The following MDFIC variants were observed in gnomAD, a reference collection of about 807,000 sequenced individuals.
The protein encoded by MDFIC is MyoD family inhibitor domain containing, also known as myoD family inhibitor domain-containing protein.
Under a neutral mutation model 23.2 loss-of-function variants are expected in MDFIC, and 17 were observed. The observed-to-expected ratio is 0.73, with a 90% CI of 0.50 to 1.10. The LOEUF is 1.10. Among genes scored for constraint, MDFIC ranks in the 50% least tolerant of loss-of-function variants. The pLI is 0.00. For synonymous variants in MDFIC, 120 were observed against 115.2 expected (o/e 1.04, Z -0.27); for missense variants, 356 against 316.6 (o/e 1.12, Z -0.95).
At chr7:114,931,926 T>C (rs1792315418) in intron 2 of MDFIC, among the ~76,000 whole-genome samples, 1 of 152,182 alleles carries the variant, frequency 6.6e-6, no homozygotes, top group African/African-American at 2.4e-5. Context: ...TCTCTTTACT[T>C]TTGCCACTCC....
intron 4 of MDFIC, among the ~76,000 whole-genome samples, chr7:114,995,380 T>C (rs939888991): frequency 6.6e-6 from 1 of 152,248 alleles, no homozygotes. Flanking sequence ...CTTTGTTCCA[T>C]TGCTGGCGAG....
chr7:114,924,163 C>T (rs760060135), intron 2 of MDFIC, among the ~76,000 whole-genome samples: 12 of 152,166 alleles, frequency 7.9e-5, no homozygotes, highest in Non-Finnish European at 1.6e-4. Context: ...ATGAGTGACT[C>T]AGCTTTCTAA....
At chr7:114,938,378 A>G (rs565194693) in intron 2 of MDFIC, among the ~76,000 whole-genome samples, 2 of 152,372 alleles carry the variant, frequency 1.3e-5, no homozygotes, top group African/African-American at 4.8e-5. Flanking sequence ...GGGGATGAGT[A>G]GCAAAGTCTG....
At chr7:114,950,843 A>G (rs186829970) in intron 3 of MDFIC, among the ~76,000 whole-genome samples, 2 of 152,288 alleles carry the variant, frequency 1.3e-5, no homozygotes, top group East Asian at 3.9e-4. Flanking sequence ...GTTTTTATCA[A>G]TGTTTCTGGA....
At chr7:114,998,113 C>A (rs1206642039) in intron 4 of MDFIC, among the ~76,000 whole-genome samples, 1 of 152,170 alleles carries the variant, frequency 6.6e-6, no homozygotes, top group Non-Finnish European at 1.5e-5. Flanking sequence ...CTAGACACTG[C>A]ATAATACTAC....
intron 2 of MDFIC, among the ~76,000 whole-genome samples, chr7:114,935,975 A>G (rs1792416907): frequency 6.6e-6 from 1 of 152,126 alleles, no homozygotes; most frequent in Admixed American, 6.5e-5. Context: ...ATGTAATAAT[A>G]ATTGCCAGTG....
intron 2 of MDFIC, among the ~76,000 whole-genome samples, chr7:114,937,268 G>T (rs547127853): frequency 9.9e-5 from 15 of 152,264 alleles, no homozygotes; most frequent in Admixed American, 2.6e-4. Flanking sequence ...TATTGATTCT[G>T]TAAGATGGAT....
chr7:114,967,768 A>T (rs1348771626), intron 3 of MDFIC, among the ~76,000 whole-genome samples: 1 of 151,944 alleles, frequency 6.6e-6, no homozygotes, highest in Non-Finnish European at 1.5e-5. Context: ...CAATTAGAGG[A>T]AAAACATCTG....
chr7:115,004,061 T>C (rs1270616130), intron 4 of MDFIC, among the ~76,000 whole-genome samples: 1 of 152,126 alleles, frequency 6.6e-6, no homozygotes, highest in East Asian at 1.9e-4. Flanking sequence ...AAAAATACAA[T>C]AAAATATGGA....
At chr7:114,928,625 T>G (rs371446103) in intron 2 of MDFIC, among the ~76,000 whole-genome samples, 2 of 152,180 alleles carry the variant, frequency 1.3e-5, no homozygotes, top group Admixed American at 6.5e-5. Flanking sequence ...GAGAACAAGA[T>G]AGCCTAAAGT....
At chr7:115,001,685 G>T (rs1245023710) in intron 4 of MDFIC, among the ~76,000 whole-genome samples, 3 of 151,464 alleles carry the variant, frequency 2.0e-5, no homozygotes, top group Non-Finnish European at 4.4e-5. Context: ...AGTTTGTAGA[G>T]AAGTCCTGTT....
At chr7:114,966,809 A>G (rs1389991697) in intron 3 of MDFIC, among the ~76,000 whole-genome samples, 2 of 152,224 alleles carry the variant, frequency 1.3e-5, no homozygotes, top group Non-Finnish European at 2.9e-5. Flanking sequence ...TTAGGCCCGT[A>G]GAGCATATGT....
chr7:114,969,598 A>T (rs1324291337), intron 3 of MDFIC, among the ~76,000 whole-genome samples: 1 of 152,178 alleles, frequency 6.6e-6, no homozygotes, highest in Admixed American at 6.6e-5. Context: ...CAGTAAATTG[A>T]GGTCCCAGAC....
intron 2 of MDFIC, chr7:114,933,926 A>G (rs987892774): frequency 5.9e-5 from 9 of 152,210 alleles, no homozygotes; most frequent in Non-Finnish European, 1.3e-4. Context: ...CGAATAATTA[A>G]AACTCTGAAA....
intron 4 of MDFIC, among the ~76,000 whole-genome samples, chr7:114,995,463 C>G (rs1791303307): frequency 6.6e-6 from 1 of 152,134 alleles, no homozygotes; most frequent in Admixed American, 6.6e-5. Context: ...GTTTTCCCCC[C>G]ATCTTTGTGG....
intron 4 of MDFIC, among the ~76,000 whole-genome samples, chr7:114,998,483 T>C (rs140579112): frequency 2.6e-5 from 4 of 152,210 alleles, no homozygotes; most frequent in Admixed American, 1.3e-4. Context: ...AACATACTGA[T>C]GTGTAATACA....
intron 4 of MDFIC, among the ~76,000 whole-genome samples, chr7:114,996,999 G>C (rs1156348490): frequency 6.6e-6 from 1 of 152,148 alleles, no homozygotes; most frequent in Non-Finnish European, 1.5e-5. Flanking sequence ...TTTTAAAACA[G>C]AGGGAGTGAT....
chr7:114,972,596 A>G (rs1391746512), intron 3 of MDFIC, among the ~76,000 whole-genome samples: 1 of 152,098 alleles, frequency 6.6e-6, no homozygotes, highest in African/African-American at 2.4e-5. Context: ...TAGACCCTGC[A>G]TTGTAAAGAT....
At chr7:114,940,766 T>C (rs1461212892) in intron 2 of MDFIC, among the ~76,000 whole-genome samples, 1 of 152,206 alleles carries the variant, frequency 6.6e-6, no homozygotes, top group Non-Finnish European at 1.5e-5. Context: ...AAACATCTAC[T>C]ATGCAAAAAT....
Sources: allele counts gnomAD v4.1 joint callset (sites outside exome capture counted in the v4.1 genomes callset), GRCh38; gene constraint gnomAD v4.1.1; transcripts MANE v1.5; gene names NCBI Gene and HGNC (gene_info 2026-07-23, HGNC 2026-07-21).